Variants in PDZRN4 observed in about 807,000 individuals in gnomAD.
The protein encoded by PDZRN4 is PDZ domain-containing RING finger protein 4.
A neutral mutation model predicts 99.0 loss-of-function variants in PDZRN4; 70 were observed. That is an observed-to-expected ratio of 0.71 (90% CI 0.58 to 0.86). PDZRN4 has a LOEUF of 0.86. Among genes scored for constraint, PDZRN4 ranks in the 40% least tolerant of loss-of-function variants. The probability of loss-of-function intolerance (pLI) is 0.00; values close to 1 mark genes in which losing one functional copy is unlikely to be tolerated. For synonymous variants in PDZRN4, 551 were observed against 501.6 expected, an observed-to-expected ratio of 1.10 and a Z score of -1.32; for missense variants, 1,474 against 1,331.2, an observed-to-expected ratio of 1.11 and a Z score of -1.67.
chr12:41,394,650 T>A (rs1455115792), intron 3 of PDZRN4, among the ~76,000 whole-genome samples: 2 of 152,096 alleles, frequency 1.3e-5, no homozygotes, highest in African/African-American at 4.8e-5. Context: ...CAGTCACTCA[T>A]GTGGTTGTTA....
chr12:41,382,711 G>A (rs148800486), intron 3 of PDZRN4, among the ~76,000 whole-genome samples: 1 of 152,152 alleles, frequency 6.6e-6, no homozygotes, highest in Non-Finnish European at 1.5e-5. Flanking sequence ...GACATGGAGG[G>A]ACTTAGGTGT....
At chr12:41,273,141 A>T (rs1024213118) in intron 3 of PDZRN4, among the ~76,000 whole-genome samples, 7 of 152,040 alleles carry the variant, frequency 4.6e-5, no homozygotes. Context: ...ATTTGGATCA[A>T]TTTTATTCAT....
At chr12:41,258,191 A>G (rs765446851) in intron 3 of PDZRN4, among the ~76,000 whole-genome samples, 12 of 152,266 alleles carry the variant, frequency 7.9e-5, no homozygotes, top group Middle Eastern at 3.4e-3. Context: ...TCTAAGCCCA[A>G]TTGTTTTGTA....
chr12:41,514,985 A>C (rs1028621328), intron 5 of PDZRN4, among the ~76,000 whole-genome samples: 1 of 152,090 alleles, frequency 6.6e-6, no homozygotes, highest in Non-Finnish European at 1.5e-5. Context: ...TAAATTTGGC[A>C]TGTTCTCTAA....
At chr12:41,553,297 G>A (rs1220915223) in intron 6 of PDZRN4, among the ~76,000 whole-genome samples, 2 of 152,236 alleles carry the variant, frequency 1.3e-5, no homozygotes, top group African/African-American at 4.8e-5. Context: ...ACAAGTGAGA[G>A]TCTAAAATGC....
intron 5 of PDZRN4, among the ~76,000 whole-genome samples, chr12:41,531,613 C>A (rs1377581760): frequency 6.6e-6 from 1 of 152,126 alleles, no homozygotes; most frequent in Non-Finnish European, 1.5e-5. Flanking sequence ...CACCTAGGTC[C>A]GTGGAGGTGG....
intron 3 of PDZRN4, among the ~76,000 whole-genome samples, chr12:41,454,552 G>A (rs922479757): frequency 1.3e-5 from 2 of 152,210 alleles, no homozygotes; most frequent in East Asian, 3.8e-4. Flanking sequence ...GATCTTTGGG[G>A]TCATTTGAGT....
chr12:41,220,132 C>T (rs1950945402), intron 3 of PDZRN4, among the ~76,000 whole-genome samples: 1 of 152,070 alleles, frequency 6.6e-6, no homozygotes, highest in East Asian at 1.9e-4. Context: ...TATTAGTTTG[C>T]TAGGGCTGCC....
intron 5 of PDZRN4, among the ~76,000 whole-genome samples, chr12:41,514,064 G>A (rs186312753): frequency 1.4e-4 from 22 of 152,104 alleles, no homozygotes; most frequent in Admixed American, 5.2e-4. Flanking sequence ...CCCTTTATGC[G>A]TCCAATATCA....
intron 3 of PDZRN4, among the ~76,000 whole-genome samples, chr12:41,310,270 GT>G (rs1951598190): frequency 6.6e-6 from 1 of 152,026 alleles, no homozygotes; most frequent in Non-Finnish European, 1.5e-5. Context: ...GTGTGTGTGT[GT>G]GTGTGTGTAT....
At chr12:41,543,691 G>A (rs285596) in intron 5 of PDZRN4, among the ~76,000 whole-genome samples, 23,636 of 152,032 alleles carry the variant, frequency 0.16, 2,191 homozygotes, top group African/African-American at 0.26. Context: ...TCTATATATT[G>A]TGGCATGATA....
At chr12:41,376,086 T>C (rs1371314343) in intron 3 of PDZRN4, among the ~76,000 whole-genome samples, 1 of 152,196 alleles carries the variant, frequency 6.6e-6, no homozygotes, top group African/African-American at 2.4e-5. Flanking sequence ...CTTATTTTTT[T>C]CCTTGGATAT....
At chr12:41,567,497 T>G (rs1330043898) in intron 8 of PDZRN4, among the ~76,000 whole-genome samples, 9 of 152,198 alleles carry the variant, frequency 5.9e-5, no homozygotes, top group African/African-American at 2.2e-4. Flanking sequence ...TGCAGGATGC[T>G]TTTCATACAT....
intron 3 of PDZRN4, among the ~76,000 whole-genome samples, chr12:41,338,824 T>A (rs1951794109): frequency 6.6e-6 from 1 of 151,612 alleles, no homozygotes; most frequent in South Asian, 2.1e-4. Context: ...AACAACAAAA[T>A]CTTTCATCAA....
At chr12:41,508,963 G>A (rs1016367561) in intron 4 of PDZRN4, among the ~76,000 whole-genome samples, 1 of 152,148 alleles carries the variant, frequency 6.6e-6, no homozygotes, top group Non-Finnish European at 1.5e-5. Context: ...TTTAGAAATA[G>A]AAAAGGCCTT....
At chr12:41,395,832 C>T (rs1393760731) in intron 3 of PDZRN4, among the ~76,000 whole-genome samples, 1 of 152,132 alleles carries the variant, frequency 6.6e-6, no homozygotes. Flanking sequence ...TATATTAGGA[C>T]ACTACCTTAG....
At chr12:41,571,054 T>G (rs2120857724) in intron 9 of PDZRN4, among the ~76,000 whole-genome samples, 1 of 152,304 alleles carries the variant, frequency 6.6e-6, no homozygotes, top group African/African-American at 2.4e-5. Flanking sequence ...CGTTCTATCC[T>G]TCTTTAGCAC....
chr12:41,527,763 T>C (rs1938594504), intron 5 of PDZRN4, among the ~76,000 whole-genome samples: 1 of 152,180 alleles, frequency 6.6e-6, no homozygotes. Context: ...TCAAAATTGA[T>C]AAGTGAGACG....
chr12:41,247,040 ATTG>A (rs1566392261), intron 3 of PDZRN4, among the ~76,000 whole-genome samples: 2 of 151,980 alleles, frequency 1.3e-5, no homozygotes, highest in African/African-American at 4.8e-5. Context: ...CAACAAATAT[ATTG>A]AGATCCAATA....
Sources: gnomAD v4.1 joint callset for allele counts (sites outside exome capture counted in the v4.1 genomes callset) on GRCh38, gnomAD v4.1.1 for gene constraint, MANE v1.5 for transcripts, NCBI Gene and HGNC (gene_info 2026-07-23, HGNC 2026-07-21) for gene names.